The following SLC41A3 variants were observed in gnomAD, a reference collection of about 807,000 sequenced individuals.
The protein encoded by SLC41A3 is solute carrier family 41 member 3.
A neutral mutation model predicts 45.4 loss-of-function variants in SLC41A3; 44 were observed. The ratio of observed to expected loss-of-function variants is 0.97; its 90% CI spans 0.76 to 1.25. SLC41A3 has a LOEUF of 1.25. Among genes scored for constraint, SLC41A3 ranks in the 50% most tolerant of loss-of-function variants. The pLI is 0.00. For missense variants in SLC41A3, 550 were observed against 600.6 expected, an observed-to-expected ratio of 0.92 and a Z score of 0.88; for synonymous variants, 256 against 252.4, an observed-to-expected ratio of 1.01 and a Z score of -0.13.
At chr3:126,025,060 T>C (rs926085716) in intron 5 of SLC41A3, 10 of 152,230 alleles carry the variant, frequency 6.6e-5, no homozygotes, top group Non-Finnish European at 1.0e-4. Flanking sequence ...TGGCACTCAC[T>C]CTAGTGTCCT....
chr3:126,036,052 G>A (rs959422599), intron 3 of SLC41A3, among the ~76,000 whole-genome samples: 4 of 152,190 alleles, frequency 2.6e-5, no homozygotes, highest in East Asian at 1.9e-4. Context: ...GCCCTTCCTC[G>A]ATGTGCATTT....
chr3:126,080,367 TA>T lies in SLC41A3; in HGVS notation c.-28+3725del, dbSNP rs138214039. Among the ~76,000 whole-genome samples the T allele has an allele frequency of 1.3e-3, 204 of 151,776 alleles. 2 individuals carry two copies. Among genetic ancestry groups the T allele is most frequent in the African/African-American group, 4.8e-3 (198 of 41,390 alleles). On this transcript the variant is annotated intron_variant, in intron 1 of 10. Coordinates refer to ENST00000360370, the MANE Select transcript of SLC41A3 (RefSeq NM_017836.4). Reference sequence around the variant, plus strand: ...TACCAGGAATTCAAACAACTCAATATAAAAAAAATCCAATTAAAATATGGCC... The same window carrying T: ...TACCAGGAATTCAAACAACTCAATATAAAAAAATCCAATTAAAATATGGCC...
At position 126,056,571 on chromosome 3, in the gene SLC41A3, G is replaced by A. The variant is rs185228572; in HGVS notation, c.274-5521C>T. 235 of 1,609,714 alleles carry A rather than the reference G, an allele frequency of 1.5e-4. No individual in the cohort carries two copies. In the African/African-American group the frequency reaches 2.0e-3, roughly 14 times the overall value. On this transcript the variant is annotated intron_variant, in intron 2 of 10. Transcript: ENST00000360370. ...CCACCATGGCCAGGCAATGCACCAC[G>A]ATCCCAGGAGCACGAAGTCAGAGCC...
At chr3:126,044,681 G>A (rs1326218937) in intron 3 of SLC41A3, among the ~76,000 whole-genome samples, 1 of 151,816 alleles carries the variant, frequency 6.6e-6, no homozygotes, top group African/African-American at 2.4e-5. Context: ...GGATCACGAG[G>A]TCAGGAGATC....
intron 1 of SLC41A3, among the ~76,000 whole-genome samples, chr3:126,097,380 G>A (rs1945624701): frequency 6.6e-6 from 1 of 152,150 alleles, no homozygotes; most frequent in African/African-American, 2.4e-5. Context: ...TGGACTACCA[G>A]GAAATGGCCT....
At chr3:126,027,542 C>T (rs1358174744) in intron 4 of SLC41A3, among the ~76,000 whole-genome samples, 1 of 152,148 alleles carries the variant, frequency 6.6e-6, no homozygotes, top group Admixed American at 6.5e-5. Flanking sequence ...TTCTTTATAG[C>T]ACTGTGAGAA....
intron 9 of SLC41A3, among the ~76,000 whole-genome samples, chr3:126,012,062 C>T (rs1280990445): frequency 6.6e-6 from 1 of 152,176 alleles, no homozygotes; most frequent in African/African-American, 2.4e-5. Flanking sequence ...TCCTTCATCC[C>T]CTCCTGTCCA....
chr3:126,097,590 T>C (rs1466454818), intron 1 of SLC41A3, among the ~76,000 whole-genome samples: 1 of 152,190 alleles, frequency 6.6e-6, no homozygotes, highest in African/African-American at 2.4e-5. Context: ...AGATATATGG[T>C]TTGTGGACCC....
chr3:126,068,345 G>C (rs2108020710), intron 1 of SLC41A3, 99 bp from the exon 2 acceptor site: 1 of 1,161,538 alleles, frequency 8.6e-7, no homozygotes, highest in African/African-American at 1.5e-5. Flanking sequence ...AGGCCGGCAT[G>C]GTCCCATCCA....
intron 2 of SLC41A3, among the ~76,000 whole-genome samples, chr3:126,067,094 C>T (rs893360569): frequency 1.6e-5 from 2 of 126,204 alleles, no homozygotes; most frequent in African/African-American, 3.3e-5. Flanking sequence ...GGTTGGACCG[C>T]CCCCCCGCCC....
intron 2 of SLC41A3, chr3:126,056,292 C>A: frequency 6.4e-7 from 1 of 1,566,758 alleles, no homozygotes; most frequent in South Asian, 1.2e-5. Context: ...CCTGCCCTGT[C>A]TGTGGTGCCA....
upstream of SLC41A3, among the ~76,000 whole-genome samples, chr3:126,087,584 G>A (rs1204053064): frequency 1.3e-5 from 2 of 151,940 alleles, no homozygotes; most frequent in East Asian, 3.8e-4. Context: ...AAGAGATGTA[G>A]AGAAACATAA....
intron 6 of SLC41A3, among the ~76,000 whole-genome samples, chr3:126,019,707 G>T (rs1417803941): frequency 1.3e-5 from 2 of 152,162 alleles, no homozygotes; most frequent in Non-Finnish European, 2.9e-5. Context: ...TTTCTCCTCT[G>T]ACTCCATGCC....
chr3:126,095,685 G>T (rs1481608848), intron 1 of SLC41A3, among the ~76,000 whole-genome samples: 1 of 152,134 alleles, frequency 6.6e-6, no homozygotes, highest in Non-Finnish European at 1.5e-5. Context: ...AAACAAAATT[G>T]AACCTGGCCA....
At chr3:126,082,806 G>T (rs559567989) in intron 1 of SLC41A3, among the ~76,000 whole-genome samples, 20 of 152,262 alleles carry the variant, frequency 1.3e-4, no homozygotes, top group Admixed American at 5.2e-4. Context: ...AGGCAGGCAG[G>T]GCCACTGCTG....
At chr3:126,059,071 C>G (rs1943851778) in intron 2 of SLC41A3, among the ~76,000 whole-genome samples, 1 of 151,376 alleles carries the variant, frequency 6.6e-6, no homozygotes, top group Admixed American at 6.6e-5. Flanking sequence ...ACGCACCCCT[C>G]CTGAGAACAG....
At chr3:126,015,388 C>G in intron 8 of SLC41A3, 106 bp downstream of exon 8, 1 of 1,113,802 alleles carries the variant, frequency 9.0e-7, no homozygotes. Context: ...GCCCAACTGC[C>G]TGTGCGGGGC....
intron 7 of SLC41A3, 39 bp from the exon 8 acceptor site, chr3:126,015,612 T>G: frequency 6.2e-7 from 1 of 1,600,268 alleles, no homozygotes; most frequent in Non-Finnish European, 8.6e-7. Context: ...TATCAGAGTT[T>G]ACACTTACAG....
At position 126,007,073 on chromosome 3, in the gene SLC41A3, T is replaced by TTG; in HGVS notation, c.1406_1407insCA (p.Leu470AsnfsTer2). The TTG allele has an allele frequency of 6.2e-7, 1 of 1,614,168 alleles. No individual in the cohort carries two copies. Among genetic ancestry groups the TTG allele is most frequent in the Non-Finnish European group, 8.5e-7 (1 of 1,180,022 alleles). On this transcript the variant is annotated frameshift_variant, in exon 11 of 11. Transcript: ENST00000360370. LOFTEE classifies it low-confidence loss of function (END_TRUNC). ...CACCCAGCTCTGCCTTGCTCTTCAG[T>TTG]AGCCAGTCAGTGAAAAAGCAGAGTG...
Sources: gnomAD v4.1 joint callset for allele counts (sites outside exome capture counted in the v4.1 genomes callset) on GRCh38, gnomAD v4.1.1 for gene constraint, MANE v1.5 for transcripts, NCBI Gene and HGNC (gene_info 2026-07-23, HGNC 2026-07-21) for gene names.